The following PTPRD variants were observed in gnomAD, a reference collection of about 807,000 sequenced individuals.
PTPRD encodes the protein protein tyrosine phosphatase receptor type D, also known as receptor-type tyrosine-protein phosphatase delta.
PTPRD carries 34 observed loss-of-function variants against 214.5 expected under a neutral mutation model. The observed-to-expected ratio is 0.16, with a 90% CI of 0.12 to 0.21. PTPRD has a LOEUF of 0.21. Among genes scored for constraint, PTPRD ranks in the 10% least tolerant of loss-of-function variants. PTPRD has a pLI of 1.00. For synonymous variants in PTPRD, 1,128 were observed against 845.7 expected (o/e 1.33, Z -5.79); for missense variants, 2,545 against 2,398.7 (o/e 1.06, Z -1.27).
intron 11 of PTPRD, among the ~76,000 whole-genome samples, chr9:8,882,093 A>G (rs2098450661): frequency 6.6e-6 from 1 of 152,206 alleles, no homozygotes. Context: ...GCAGTCTGGA[A>G]AAAGTGTGTT....
At chr9:8,621,396 ATTTG>A (rs796254133) in intron 14 of PTPRD, among the ~76,000 whole-genome samples, 11 of 151,978 alleles carry the variant, frequency 7.2e-5, no homozygotes, top group Non-Finnish European at 1.2e-4. Flanking sequence ...TTTAAAAAAA[ATTTG>A]TTTGTTTTTA....
chr9:9,496,847 C>T (rs1332586328), intron 8 of PTPRD, among the ~76,000 whole-genome samples: 1 of 152,144 alleles, frequency 6.6e-6, no homozygotes, highest in Non-Finnish European at 1.5e-5. Flanking sequence ...GTGGCAGCAA[C>T]TCAAGTGTCC....
chr9:8,802,162 G>A (rs1372043183), intron 11 of PTPRD, among the ~76,000 whole-genome samples: 1 of 152,104 alleles, frequency 6.6e-6, no homozygotes, highest in Non-Finnish European at 1.5e-5. Context: ...CATAGTCACA[G>A]ATTAATAAAC....
chr9:9,835,907 C>T (rs1305193429), intron 5 of PTPRD, among the ~76,000 whole-genome samples: 1 of 151,930 alleles, frequency 6.6e-6, no homozygotes, highest in African/African-American at 2.4e-5. Context: ...AATGCTGGTG[C>T]CAGTTTTACA....
chr9:8,636,605 C>T lies in PTPRD; in HGVS notation c.210+94G>A, dbSNP rs2096443305. ...TAAGGAATACCATATATCAGTGACA[C>T]CTTTTATCAGAGTAAAGCAAGCAAG... On this transcript the variant is annotated intron_variant, in intron 13 of 45. Coordinates refer to ENST00000381196, the MANE Select transcript of PTPRD (RefSeq NM_002839.4). 30 of 1,438,790 alleles carry T rather than the reference C, an allele frequency of 2.1e-5. 1 individual carries two copies. In the South Asian group the frequency reaches 3.7e-4, roughly 18 times the overall value. The allele number at this position is 1,438,790 out of a possible 1,614,324, so 89.1% of individuals were successfully genotyped here. A position where few individuals can be genotyped will look rare whatever the true frequency, so the allele number is the denominator to read the frequency against.
intron 5 of PTPRD, among the ~76,000 whole-genome samples, chr9:9,780,548 T>G (rs1267677159): frequency 6.6e-6 from 1 of 152,204 alleles, no homozygotes; most frequent in Non-Finnish European, 1.5e-5. Flanking sequence ...CACCAAATGT[T>G]AGCAAACACA....
intron 11 of PTPRD, among the ~76,000 whole-genome samples, chr9:8,745,909 C>T (rs7023083): frequency 0.055 from 8,314 of 152,060 alleles, 546 homozygotes; most frequent in African/African-American, 0.16. Context: ...GCTATCCTCC[C>T]GCCTCTACCC....
At chr9:10,249,816 G>C (rs966889798) in intron 3 of PTPRD, among the ~76,000 whole-genome samples, 1 of 151,954 alleles carries the variant, frequency 6.6e-6, no homozygotes, top group African/African-American at 2.4e-5. Flanking sequence ...GTACATTTAG[G>C]TGACGGCATC....
chr9:9,687,537 AT>A (rs35962142), intron 7 of PTPRD, among the ~76,000 whole-genome samples: 45,695 of 151,438 alleles, frequency 0.3, 7,223 homozygotes, highest in Admixed American at 0.45. Context: ...GCAATTTCAT[AT>A]TGTTAAATGT....
chr9:9,604,130 T>C (rs937610999), intron 7 of PTPRD, among the ~76,000 whole-genome samples: 1 of 152,008 alleles, frequency 6.6e-6, no homozygotes, highest in African/African-American at 2.4e-5. Flanking sequence ...TTTTGGAGAG[T>C]TGATCCCTAG....
chr9:9,550,274 T>G (rs1353617202), intron 8 of PTPRD, among the ~76,000 whole-genome samples: 1 of 151,706 alleles, frequency 6.6e-6, no homozygotes, highest in Non-Finnish European at 1.5e-5. Flanking sequence ...CAGCTTTCCC[T>G]ACAGATTTCA....
chr9:8,359,549 G>C (rs1252130531), intron 39 of PTPRD, among the ~76,000 whole-genome samples: 2 of 152,102 alleles, frequency 1.3e-5, no homozygotes, highest in Non-Finnish European at 2.9e-5. Flanking sequence ...GCCCAGGCTG[G>C]TCTGGAATTC....
intron 7 of PTPRD, among the ~76,000 whole-genome samples, chr9:9,594,480 C>A (rs1433507760): frequency 6.6e-6 from 1 of 152,018 alleles, no homozygotes; most frequent in Non-Finnish European, 1.5e-5. Context: ...CAGTTTCATT[C>A]TCCTACATGT....
intron 12 of PTPRD, among the ~76,000 whole-genome samples, chr9:8,710,023 T>C (rs1317148424): frequency 6.6e-6 from 1 of 152,176 alleles, no homozygotes; most frequent in African/African-American, 2.4e-5. Flanking sequence ...AACTACAATT[T>C]ACCCTATCTT....
intron 4 of PTPRD, among the ~76,000 whole-genome samples, chr9:10,009,434 G>A (rs921887992): frequency 2.0e-5 from 3 of 151,942 alleles, no homozygotes; most frequent in African/African-American, 7.2e-5. Context: ...GGGGTTTCCA[G>A]GTCATAGGTG....
chr9:8,646,964 A>AT (rs2096707786), intron 12 of PTPRD, among the ~76,000 whole-genome samples: 1 of 152,198 alleles, frequency 6.6e-6, no homozygotes, highest in Non-Finnish European at 1.5e-5. Context: ...TATTACACGT[A>AT]TATTTGTTTA....
intron 4 of PTPRD, among the ~76,000 whole-genome samples, chr9:9,966,264 A>G (rs2094691986): frequency 1.3e-5 from 2 of 152,190 alleles, no homozygotes; most frequent in South Asian, 4.1e-4. Flanking sequence ...TAAAATATAT[A>G]TTCTATGCAA....
At chr9:8,862,314 C>G (rs1373005373) in intron 11 of PTPRD, 5 of 152,232 alleles carry the variant, frequency 3.3e-5, no homozygotes, top group Non-Finnish European at 5.9e-5. Context: ...CGAGATCACG[C>G]CATTGCACTC....
intron 4 of PTPRD, among the ~76,000 whole-genome samples, chr9:10,032,554 T>C (rs1408409018): frequency 1.3e-5 from 2 of 152,178 alleles, no homozygotes; most frequent in Non-Finnish European, 2.9e-5. Context: ...AAACTCCTGA[T>C]ATAGTGAATT....
Sources: gnomAD v4.1 joint callset for allele counts (sites outside exome capture counted in the v4.1 genomes callset) on GRCh38, gnomAD v4.1.1 for gene constraint, MANE v1.5 for transcripts, NCBI Gene and HGNC (gene_info 2026-07-23, HGNC 2026-07-21) for gene names.